The following PPEF1 variants were observed in gnomAD, a reference collection of about 807,000 sequenced individuals.
PPEF1 encodes the protein serine/threonine-protein phosphatase with EF-hands 1.
In PPEF1, 12 loss-of-function variants were observed where a neutral mutation model predicts 53.3. The observed-to-expected ratio is 0.23, with a 90% CI of 0.14 to 0.36. The LOEUF (loss-of-function observed/expected upper bound fraction) is 0.36. Ranked by LOEUF, PPEF1 falls within the 10% of genes least tolerant of loss-of-function variation. The probability of loss-of-function intolerance (pLI) is 1.00; values close to 1 mark genes in which losing one functional copy is unlikely to be tolerated. For synonymous variants in PPEF1, 165 were observed against 176.7 expected (o/e 0.93, Z 0.52); for missense variants, 334 against 490.4 (o/e 0.68, Z 3.01).
At chrX:18,697,339 C>T (rs192586463) in intron 4 of PPEF1, among the ~76,000 whole-genome samples, 2 of 111,620 alleles carry the variant, frequency 1.8e-5, no homozygotes, top group South Asian at 3.8e-4. Flanking sequence ...TCTTAACATC[C>T]GGGCACCTTT....
At chrX:18,822,272 G>A (rs1019737765) in intron 13 of PPEF1, among the ~76,000 whole-genome samples, 5 of 109,259 alleles carry the variant, frequency 4.6e-5, no homozygotes, top group Non-Finnish European at 9.5e-5. Context: ...TTCCTGCACT[G>A]TCTACTAACA....
intron 7 of PPEF1, among the ~76,000 whole-genome samples, chrX:18,780,419 C>T (rs1039149839): frequency 1.8e-5 from 2 of 112,324 alleles, no homozygotes; most frequent in Admixed American, 1.9e-4. Context: ...TTCAGGAGGA[C>T]AGGAGCATAG....
At chrX:18,780,113 GT>G (rs1225818328) in intron 7 of PPEF1, among the ~76,000 whole-genome samples, 1 of 112,057 alleles carries the variant, frequency 8.9e-6, no homozygotes, top group African/African-American at 3.2e-5. Flanking sequence ...TATTTATCTA[GT>G]GTCTATAATG....
At chrX:18,767,275 C>T (rs1045867787) in intron 6 of PPEF1, among the ~76,000 whole-genome samples, 14 of 110,237 alleles carry the variant, frequency 1.3e-4, no homozygotes, top group African/African-American at 4.3e-4. Context: ...GGACCAGGCG[C>T]GTGGCTCATG....
At chrX:18,745,120 ATAT>A (rs2045295129) in intron 3 of PPEF1, among the ~76,000 whole-genome samples, 1 of 94,756 alleles carries the variant, frequency 1.1e-5, no homozygotes, top group African/African-American at 3.9e-5. Flanking sequence ...ATTATATTAT[ATAT>A]ATTATATAAT....
At chrX:18,755,980 G>T (rs1291426362) in intron 4 of PPEF1, among the ~76,000 whole-genome samples, 2 of 110,982 alleles carry the variant, frequency 1.8e-5, no homozygotes, top group Non-Finnish European at 3.8e-5. Context: ...TTCATCTGTG[G>T]TTATATTGAT....
rs771835124 is a variant in PPEF1, at chrX:18,730,276, A to G, written c.142A>G (p.Ile48Val). The G allele has an allele frequency of 2.5e-6, 3 of 1,209,985 alleles. No homozygotes were observed. The highest frequency in any genetic ancestry group is 1.8e-5 in the South Asian group (1 of 56,778). ...QHYALTIFQS[I>V]EYADEQGQMQ... ...CTATGCCCTCACCATCTTCCAGTCC[A>G]TCGAATATGCTGATGAACAAGGCCA... The change falls in exon 2 of 16, where the codon ATC becomes GTC. Residue 48 changes from isoleucine to valine, a missense_variant. Ile to Val is a conservative substitution (Grantham distance 29). Transcript: ENST00000470157.
chrX:18,751,076 G>A (rs1258292171), intron 4 of PPEF1, among the ~76,000 whole-genome samples: 4 of 111,567 alleles, frequency 3.6e-5, no homozygotes, highest in Non-Finnish European at 3.8e-5. Flanking sequence ...TATAAATTCC[G>A]TATCAGATAT....
chrX:18,813,948 G>A (rs1460402665), intron 12 of PPEF1, among the ~76,000 whole-genome samples: 2 of 111,473 alleles, frequency 1.8e-5, no homozygotes, highest in Non-Finnish European at 3.8e-5. Context: ...CACCCAGGTA[G>A]TGAGCATAAT....
At chrX:18,734,650 G>A (rs1447741135) in intron 3 of PPEF1, among the ~76,000 whole-genome samples, 16 of 111,114 alleles carry the variant, frequency 1.4e-4, no homozygotes, top group Admixed American at 2.9e-4. Context: ...ACCCAGTAAC[G>A]GGATGGCTGG....
chrX:18,734,675 C>T (rs1051501181), intron 3 of PPEF1, among the ~76,000 whole-genome samples: 1 of 111,381 alleles, frequency 9.0e-6, no homozygotes, highest in Non-Finnish European at 1.9e-5. Context: ...AATGGTATTT[C>T]TGGTTCTAGA....
At chrX:18,809,248 A>T (rs2046754179) in intron 12 of PPEF1, among the ~76,000 whole-genome samples, 1 of 109,565 alleles carries the variant, frequency 9.1e-6, no homozygotes, top group Non-Finnish European at 1.9e-5. Flanking sequence ...TTTGCATAAA[A>T]CCTATGCACA....
chrX:18,704,091 T>C (rs1466689603), upstream of PPEF1, among the ~76,000 whole-genome samples: 2 of 108,433 alleles, frequency 1.8e-5, no homozygotes, highest in Admixed American at 2.0e-4. Context: ...GCCTGGCTAA[T>C]TTTTTGTATT....
intron 3 of PPEF1, among the ~76,000 whole-genome samples, chrX:18,747,577 T>G (rs1441723162): frequency 1.8e-5 from 2 of 112,300 alleles, no homozygotes; most frequent in African/African-American, 3.2e-5. Context: ...CCTGGGCTCA[T>G]CCTCCTGCCT....
upstream of PPEF1, chrX:18,707,635 T>A (rs922672587): frequency 8.4e-6 from 4 of 475,551 alleles, no homozygotes; most frequent in African/African-American, 4.8e-5. Flanking sequence ...TTTCCTTCCC[T>A]CCCTCCTGTG....
chrX:18,777,040 C>T (rs774266982), intron 6 of PPEF1, among the ~76,000 whole-genome samples: 8 of 112,705 alleles, frequency 7.1e-5, no homozygotes, highest in African/African-American at 2.6e-4. Flanking sequence ...TACATGGTCT[C>T]ATTTGAGTTC....
At chrX:18,789,851 T>C (rs1164820554) in intron 10 of PPEF1, among the ~76,000 whole-genome samples, 1 of 112,228 alleles carries the variant, frequency 8.9e-6, no homozygotes, top group Non-Finnish European at 1.9e-5. Flanking sequence ...CTGATGGACG[T>C]TTGGGTTGTT....
At position 18,737,576 on chromosome X, in the gene PPEF1, G is replaced by A. The variant is rs1356007903; in HGVS notation, c.235+3768G>A. Reference sequence around the variant, plus strand: ...GTCAGTTTTGGAATAAGTGTGATGTGGTGCTGAGAAGAATGTTTATTCTGT... The same window carrying A: ...GTCAGTTTTGGAATAAGTGTGATGTAGTGCTGAGAAGAATGTTTATTCTGT... On this transcript the variant is annotated intron_variant, in intron 3 of 15. Transcript: ENST00000470157. Among the ~76,000 whole-genome samples, 3 of 111,924 alleles carry A rather than the reference G, an allele frequency of 2.7e-5. No individual in the cohort carries two copies. The East Asian group carries it at 8.4e-4, about 31-fold the overall frequency.
intron 6 of PPEF1, among the ~76,000 whole-genome samples, chrX:18,776,852 G>A (rs747630545): frequency 3.6e-4 from 40 of 111,819 alleles, no homozygotes; most frequent in Admixed American, 1.2e-3. Flanking sequence ...CCTGGGAGGC[G>A]GAGGTTGCGG....
Sources: allele counts gnomAD v4.1 joint callset (sites outside exome capture counted in the v4.1 genomes callset), GRCh38; gene constraint gnomAD v4.1.1; transcripts MANE v1.5; gene names NCBI Gene and HGNC (gene_info 2026-07-23, HGNC 2026-07-21).